The following CES5A variants were observed in gnomAD, a reference collection of about 807,000 sequenced individuals.
The protein encoded by CES5A is carboxylesterase 5A.
In CES5A, 67 loss-of-function variants were observed where a neutral mutation model predicts 62.9. The ratio of observed to expected loss-of-function variants is 1.07; its 90% CI spans 0.88 to 1.31. CES5A has a LOEUF of 1.31. Among genes scored for constraint, CES5A ranks in the 50% most tolerant of loss-of-function variants. The pLI, the probability that CES5A is intolerant of heterozygous loss-of-function variation, is 0.00. For missense variants in CES5A, 748 were observed against 708.5 expected (o/e 1.06, Z -0.63); for synonymous variants, 296 against 280.8 (o/e 1.05, Z -0.54).
chr16:55,854,255 G>A lies in CES5A; in HGVS notation c.1126-1227C>T, dbSNP rs188669458. The stretch of plus-strand genomic sequence containing the variant: ...CCCTAGCATGCTACTGTGCCTAGGA[G>A]AAACACATGCCCTTCCATTCCTCTT... On this transcript the variant is annotated intron_variant, in intron 9 of 12. Transcript: ENST00000290567. 3.4e-3 allele frequency among the ~76,000 whole-genome samples: 523 copies of A among 152,184 alleles called. 11 individuals carry two copies. In the South Asian group the frequency reaches 0.043, roughly 13 times the overall value.
chr16:55,951,103 C>CAAAAAAAAAAAAAAAAAAAAAAAAA (rs55951124), intron 1 of CES5A, among the ~76,000 whole-genome samples: 2 of 44,378 alleles, frequency 4.5e-5, no homozygotes, highest in African/African-American at 2.5e-4. Flanking sequence ...GACTCCATCT[C>CAAAAAAAAAAAAAAAAAAAAAAAAA]AAAAAAAAAA....
intron 10 of CES5A, among the ~76,000 whole-genome samples, chr16:55,850,636 C>T (rs1217353430): frequency 1.3e-5 from 2 of 152,200 alleles, no homozygotes; most frequent in Non-Finnish European, 2.9e-5. Context: ...AGTTGATGAA[C>T]ATTTGGGTTT....
chr16:55,949,650 C>T, intron 2 of CES5A: 1 of 417,946 alleles, frequency 2.4e-6, no homozygotes, highest in East Asian at 3.5e-5. Context: ...ATAAGAACAT[C>T]TTGACAATGA....
At chr16:55,938,819 CACACATATATATATAT>C (rs2034414917) in intron 2 of CES5A, among the ~76,000 whole-genome samples, 1 of 100,980 alleles carries the variant, frequency 9.9e-6, no homozygotes. Context: ...TATATATACA[CACACATATATATATAT>C]ACACATATAT....
intron 2 of CES5A, among the ~76,000 whole-genome samples, chr16:55,936,787 A>C (rs1245355478): frequency 6.6e-6 from 1 of 152,216 alleles, no homozygotes; most frequent in Non-Finnish European, 1.5e-5. Context: ...TCAATGAGGA[A>C]AACATTTTTT....
At chr16:55,890,987 C>A (rs1597137175) in intron 1 of CES5A, among the ~76,000 whole-genome samples, 1 of 152,022 alleles carries the variant, frequency 6.6e-6, no homozygotes, top group African/African-American at 2.4e-5. Context: ...CCTGCTCCAC[C>A]CTGACTCATT....
In CES5A at chr16:55,861,484, A is replaced by G; in HGVS notation, c.843T>C (p.Asn281=). ...TCAGCAGGGCCTCAGAGTCTGACGC[A>G]TTGTTACCACAGAAATGTGCAACCA... ...LQVVAHFCGN[N]ASDSEALLRC... is the part of the protein sequence containing the mutation. The change falls in exon 7 of 13, where the codon AAT becomes AAC. Residue 281 remains asparagine, a synonymous_variant. Coordinates refer to ENST00000290567, the MANE Select transcript of CES5A (RefSeq NM_001143685.2). The G allele has an allele frequency of 6.2e-7, 1 of 1,613,860 alleles. No individual in the cohort carries two copies. The highest frequency in any genetic ancestry group is 8.5e-7 in the Non-Finnish European group (1 of 1,179,728).
chr16:55,921,984 T>A (rs938677161), intron 1 of CES5A, among the ~76,000 whole-genome samples: 1 of 151,988 alleles, frequency 6.6e-6, no homozygotes, highest in Non-Finnish European at 1.5e-5. Context: ...ACTTGTTATA[T>A]CTATAAGATA....
chr16:55,897,516 C>T (rs771179445), intron 1 of CES5A, among the ~76,000 whole-genome samples: 9 of 152,168 alleles, frequency 5.9e-5, no homozygotes, highest in African/African-American at 1.2e-4. Context: ...GGGATCAGTC[C>T]TATGGAAGCC....
intron 1 of CES5A, among the ~76,000 whole-genome samples, chr16:55,921,773 TG>T (rs2142460119): frequency 6.6e-6 from 1 of 151,756 alleles, no homozygotes; most frequent in East Asian, 1.9e-4. Flanking sequence ...AACTCTAGTA[TG>T]GAGGCCAAAA....
At chr16:55,863,034 C>T (rs765437912) in intron 6 of CES5A, among the ~76,000 whole-genome samples, 6 of 152,120 alleles carry the variant, frequency 3.9e-5, no homozygotes, top group East Asian at 1.9e-4. Flanking sequence ...AGTAGAGTAG[C>T]GTAGGCACAG....
intron 9 of CES5A, among the ~76,000 whole-genome samples, chr16:55,855,985 G>T (rs1239620997): frequency 6.6e-6 from 1 of 152,028 alleles, no homozygotes; most frequent in Non-Finnish European, 1.5e-5. Context: ...CATGAGATTT[G>T]GTTGTTTAAA....
chr16:55,918,213 G>A (rs2034167335), intron 1 of CES5A, among the ~76,000 whole-genome samples: 1 of 152,098 alleles, frequency 6.6e-6, no homozygotes, highest in African/African-American at 2.4e-5. Flanking sequence ...CACCTCCAGA[G>A]GCATGGCTGC....
chr16:55,894,498 CAAAAAAAA>C (rs370359945), intron 1 of CES5A, among the ~76,000 whole-genome samples: 3 of 103,000 alleles, frequency 2.9e-5, no homozygotes, highest in Non-Finnish European at 5.5e-5. Context: ...AACTCTGTCT[CAAAAAAAA>C]AAAAAAAAAG....
At chr16:55,871,552 G>A in intron 3 of CES5A, 73 bp downstream of exon 3, 1 of 1,548,522 alleles carries the variant, frequency 6.5e-7, no homozygotes, top group Non-Finnish European at 8.8e-7. Flanking sequence ...TTCCAGACAT[G>A]TAGCTGCACT....
chr16:55,941,168 G>T (rs1230809441), intron 2 of CES5A, among the ~76,000 whole-genome samples: 1 of 151,868 alleles, frequency 6.6e-6, no homozygotes, highest in Admixed American at 6.6e-5. Context: ...GCAGAGAAAA[G>T]AATCAAAAGG....
chr16:55,949,389 T>A (rs143085247), intron 2 of CES5A, among the ~76,000 whole-genome samples: 1 of 152,306 alleles, frequency 6.6e-6, no homozygotes, highest in Non-Finnish European at 1.5e-5. Context: ...TTCTTTTATC[T>A]GAGGCAATCC....
intron 11 of CES5A, among the ~76,000 whole-genome samples, chr16:55,848,315 TA>T: frequency 6.6e-6 from 1 of 151,980 alleles, no homozygotes; most frequent in South Asian, 2.1e-4. Flanking sequence ...GAGGGGGTCT[TA>T]CTATGTTTCC....
intron 6 of CES5A, among the ~76,000 whole-genome samples, chr16:55,862,159 T>TC (rs1365312838): frequency 1.3e-5 from 2 of 152,146 alleles, no homozygotes; most frequent in Non-Finnish European, 2.9e-5. Context: ...AGCTCGATGT[T>TC]CCCCACCTTC....
Sources: allele counts gnomAD v4.1 joint callset (sites outside exome capture counted in the v4.1 genomes callset), GRCh38; gene constraint gnomAD v4.1.1; transcripts MANE v1.5; gene names NCBI Gene and HGNC (gene_info 2026-07-23, HGNC 2026-07-21).